Variants in DDX60L observed in about 807,000 individuals in gnomAD.
DDX60L encodes probable ATP-dependent RNA helicase DDX60-like.
In DDX60L, 191 loss-of-function variants were observed where a neutral mutation model predicts 211.6. The ratio of observed to expected loss-of-function variants is 0.90; its 90% confidence interval spans 0.80 to 1.02. DDX60L has a LOEUF of 1.02. DDX60L is among the 50% of genes least tolerant of loss of function. The pLI is 0.00. For synonymous variants in DDX60L, 706 were observed against 694.1 expected (o/e 1.02, Z -0.27); for missense variants, 2,007 against 1,984.1 (o/e 1.01, Z -0.22).
At chr4:168,441,920 T>C (rs1340421945) in intron 9 of DDX60L, among the ~76,000 whole-genome samples, 2 of 152,046 alleles carry the variant, frequency 1.3e-5, no homozygotes, top group Non-Finnish European at 2.9e-5. Context: ...TGAAGCACAA[T>C]ATGCTACATA....
intron 36 of DDX60L, 66 bp from the exon 37 acceptor site, chr4:168,361,277 CT>C: frequency 9.3e-7 from 1 of 1,071,220 alleles, no homozygotes; most frequent in Non-Finnish European, 1.4e-6. Flanking sequence ...TTAACTCAAA[CT>C]TTAATAGTGG....
At chr4:168,424,749 A>C (rs1407155861) in intron 14 of DDX60L, among the ~76,000 whole-genome samples, 1 of 152,114 alleles carries the variant, frequency 6.6e-6, no homozygotes, top group East Asian at 1.9e-4. Flanking sequence ...CTGTAGCAGA[A>C]ACTGATATTA....
At chr4:168,437,847 T>G (rs1364023205) in intron 10 of DDX60L, among the ~76,000 whole-genome samples, 1 of 141,430 alleles carries the variant, frequency 7.1e-6, no homozygotes, top group African/African-American at 2.7e-5. Flanking sequence ...ACCCTTCGGC[T>G]GACTCCATGG....
intron 1 of DDX60L, among the ~76,000 whole-genome samples, chr4:168,477,188 G>C (rs1192858441): frequency 6.6e-6 from 1 of 152,138 alleles, no homozygotes; most frequent in East Asian, 1.9e-4. Flanking sequence ...GGCCAAGGCG[G>C]ACGGATCACA....
chr4:168,390,277 A>G (rs1446192263), intron 29 of DDX60L: 1 of 1,102,292 alleles, frequency 9.1e-7, no homozygotes. Context: ...TGAAGGAAAC[A>G]AAAGTCCCTT....
At chr4:168,457,643 T>TG (rs1756769789) in intron 6 of DDX60L, among the ~76,000 whole-genome samples, 1 of 152,202 alleles carries the variant, frequency 6.6e-6, no homozygotes, top group African/African-American at 2.4e-5. Flanking sequence ...CATTAAGTAC[T>TG]ACAATTTTCT....
chr4:168,428,529 T>C (rs558578250), intron 13 of DDX60L, among the ~76,000 whole-genome samples: 2 of 152,314 alleles, frequency 1.3e-5, no homozygotes, highest in African/African-American at 4.8e-5. Context: ...GGCTTTTATG[T>C]TTCATTCTCC....
intron 22 of DDX60L, among the ~76,000 whole-genome samples, chr4:168,414,577 T>A (rs1749219376): frequency 6.6e-6 from 1 of 152,102 alleles, no homozygotes; most frequent in African/African-American, 2.4e-5. Flanking sequence ...TGCAGCGCCA[T>A]TCACAATAGC....
chr4:168,456,025 T>C lies in DDX60L; in HGVS notation c.837+14A>G, dbSNP rs371731562. 4 of 1,551,778 alleles carry C rather than the reference T, an allele frequency of 2.6e-6. No individual in the cohort carries two copies. The highest frequency in any genetic ancestry group is 2.8e-5 in the African/African-American group (2 of 72,486). ...GACAGCTTTCTGCCTGGCGGCTGTG[T>C]TCTTTTTACTTACTAAGACACGATG... is the stretch of plus-strand genomic sequence containing the variant. On this transcript the variant is annotated intron_variant, in intron 7 of 37. Coordinates refer to ENST00000682922, the MANE Select transcript of DDX60L (RefSeq NM_001012967.3).
intron 29 of DDX60L, among the ~76,000 whole-genome samples, chr4:168,389,299 T>C (rs1205519186): frequency 6.6e-6 from 1 of 152,156 alleles, no homozygotes; most frequent in Non-Finnish European, 1.5e-5. Context: ...TATAAATGAG[T>C]ATATTTTGAA....
intron 7 of DDX60L, 103 bp downstream of exon 7, chr4:168,455,936 G>C: frequency 1.3e-6 from 1 of 743,636 alleles, no homozygotes; most frequent in East Asian, 3.3e-5. Flanking sequence ...CAGAAACCAA[G>C]AGTATGTCCA....
intron 9 of DDX60L, 51 bp downstream of exon 9, chr4:168,448,587 G>A: frequency 7.2e-7 from 1 of 1,382,876 alleles, no homozygotes; most frequent in Non-Finnish European, 9.8e-7. Context: ...ATTTATAAGG[G>A]TTTTATATAA....
intron 22 of DDX60L, among the ~76,000 whole-genome samples, chr4:168,410,427 T>C (rs774098157): frequency 1.4e-4 from 22 of 152,210 alleles, no homozygotes; most frequent in Non-Finnish European, 3.1e-4. Context: ...GAGGAAAGTC[T>C]AAGTTATAGA....
At position 168,375,491 on chromosome 4, in the gene DDX60L, C is replaced by T; in HGVS notation, c.4519G>A (p.Ala1507Thr). The T allele has an allele frequency of 6.2e-7, 1 of 1,611,916 alleles. No homozygotes were observed. ...ILAELPEDFKAALYEYNLAVM... is the reference protein window; with the variant it reads ...ILAELPEDFKTALYEYNLAVM... Reference sequence around the variant, plus strand: ...GCCAGGTTATACTCATATAAAGCAGCTTTAAAATCCTCCGGGAGTTCGGCA... The same window carrying T: ...GCCAGGTTATACTCATATAAAGCAGTTTTAAAATCCTCCGGGAGTTCGGCA... Residue 1507 changes from alanine (A) to threonine (T), a missense_variant, in exon 34 of 38, where the codon GCT (alanine) becomes ACT (threonine). Physicochemically the swap from Ala to Thr is moderately conservative, Grantham distance 58. Transcript: ENST00000682922.
At chr4:168,410,577 T>TA (rs986875349) in intron 22 of DDX60L, among the ~76,000 whole-genome samples, 1 of 151,992 alleles carries the variant, frequency 6.6e-6, no homozygotes. Context: ...TATAAAGTAA[T>TA]AAAAAAAGGA....
intron 16 of DDX60L, 92 bp downstream of exon 16, chr4:168,422,432 G>C (rs1328725668): frequency 5.6e-6 from 7 of 1,251,568 alleles, no homozygotes; most frequent in Non-Finnish European, 7.7e-6. Context: ...ACAAGATTAA[G>C]AAGTTTATGC....
In DDX60L at chr4:168,391,661, AAAAC is replaced by A. The variant is rs1204850755; in HGVS notation, c.3811-21_3811-18del. On this transcript the variant is annotated intron_variant, in intron 28 of 37. Coordinates refer to ENST00000682922, the MANE Select transcript of DDX60L (RefSeq NM_001012967.3). The stretch of plus-strand genomic sequence containing the variant: ...TGTCACTACCTAGGAAAAAAAAAAA[AAAAC>A]AGTCAATACACAATATAGCATATCT... 1 of 1,412,670 alleles carries A rather than the reference AAAAC, an allele frequency of 7.1e-7. No individual in the cohort carries two copies. Among genetic ancestry groups the A allele is most frequent in the Non-Finnish European group, 9.7e-7 (1 of 1,034,290 alleles). 87.5% of individuals were successfully genotyped at this position (1,412,670 alleles called of 1,614,324 possible).
At chr4:168,381,864 A>C (rs1743020714) in intron 30 of DDX60L, among the ~76,000 whole-genome samples, 1 of 152,174 alleles carries the variant, frequency 6.6e-6, no homozygotes, top group Admixed American at 6.5e-5. Context: ...CCCAGAAAAT[A>C]TGCCACCCTC....
At chr4:168,380,069 C>A in intron 30 of DDX60L, 1 of 350,780 alleles carries the variant, frequency 2.9e-6, no homozygotes, top group Non-Finnish European at 5.1e-6. Flanking sequence ...GGCAAATAAT[C>A]TGCTAAATCC....
Sources: allele counts gnomAD v4.1 joint callset (sites outside exome capture counted in the v4.1 genomes callset), GRCh38; gene constraint gnomAD v4.1.1; transcripts MANE v1.5; gene names NCBI Gene and HGNC (gene_info 2026-07-23, HGNC 2026-07-21).